The following GLG1 variants were observed in gnomAD, a reference collection of about 807,000 sequenced individuals.
GLG1 encodes the protein Golgi apparatus protein 1.
Under a neutral mutation model 160.5 loss-of-function variants are expected in GLG1, and 38 were observed. The observed-to-expected ratio is 0.24, with a 90% CI of 0.18 to 0.31. GLG1 has a LOEUF of 0.31. Among genes scored for constraint, GLG1 ranks in the 10% least tolerant of loss-of-function variants. The probability of loss-of-function intolerance (pLI) is 1.00; values close to 1 mark genes in which losing one functional copy is unlikely to be tolerated. For missense variants in GLG1, 1,373 were observed against 1,505.2 expected, an observed-to-expected ratio of 0.91 and a Z score of 1.45; for synonymous variants, 644 against 543.4, an observed-to-expected ratio of 1.19 and a Z score of -2.57.
chr16:74,495,581 T>A (rs955235345), intron 5 of GLG1, among the ~76,000 whole-genome samples: 28 of 152,210 alleles, frequency 1.8e-4, no homozygotes, highest in African/African-American at 6.8e-4. Context: ...TTTAAAGACT[T>A]AGAAGGCTGT....
intron 1 of GLG1, among the ~76,000 whole-genome samples, chr16:74,561,892 G>C (rs567489341): frequency 6.6e-6 from 1 of 152,172 alleles, no homozygotes; most frequent in Non-Finnish European, 1.5e-5. Context: ...ATATACATTG[G>C]TGTGGTGACT....
intron 2 of GLG1, among the ~76,000 whole-genome samples, chr16:74,531,296 A>C (rs371240197): frequency 7.6e-4 from 115 of 152,116 alleles, no homozygotes; most frequent in African/African-American, 2.7e-3. Context: ...CTCTTCTAAG[A>C]CCCAGATCAA....
intron 16 of GLG1, chr16:74,469,391 C>T (rs1651601438): frequency 3.6e-6 from 1 of 281,058 alleles, no homozygotes; most frequent in South Asian, 7.9e-5. Flanking sequence ...TAGGACTGTA[C>T]TTTTGACCTA....
chr16:74,472,485 T>C, intron 13 of GLG1, 74 bp from the exon 14 acceptor site: 1 of 1,361,484 alleles, frequency 7.3e-7, no homozygotes, highest in Non-Finnish European at 1.0e-6. Flanking sequence ...TTTCTCTTTC[T>C]GAATCAGTAA....
intron 1 of GLG1, among the ~76,000 whole-genome samples, chr16:74,596,253 G>T (rs1039435620): frequency 6.6e-6 from 1 of 151,772 alleles, no homozygotes; most frequent in Admixed American, 6.6e-5. Flanking sequence ...TGTGGGCTGG[G>T]CGTGGTTGCT....
chr16:74,530,919 T>C (rs1438695271), intron 2 of GLG1, among the ~76,000 whole-genome samples: 1 of 152,240 alleles, frequency 6.6e-6, no homozygotes, highest in Non-Finnish European at 1.5e-5. Flanking sequence ...CTTTTTCTTT[T>C]CCTGTGAACA....
chr16:74,483,461 T>C (rs536901806), intron 9 of GLG1, among the ~76,000 whole-genome samples: 2 of 152,320 alleles, frequency 1.3e-5, no homozygotes, highest in African/African-American at 4.8e-5. Context: ...TGTGGCCAAG[T>C]CTGTTTTAAC....
chr16:74,484,805 G>A lies in GLG1; in HGVS notation c.1571+991C>T, dbSNP rs190878265. On this transcript the variant is annotated intron_variant, in intron 9 of 25. Coordinates refer to ENST00000422840, the MANE Select transcript of GLG1 (RefSeq NM_001145667.2). Reference sequence around the variant, plus strand: ...AATAAATTGTATTTTTAGTAGAGACGGGGTTTCTCCATGTTGGTTAGAGGC... The same window carrying A: ...AATAAATTGTATTTTTAGTAGAGACAGGGTTTCTCCATGTTGGTTAGAGGC... Among the ~76,000 whole-genome samples, 1,454 of 152,130 alleles carry A rather than the reference G, an allele frequency of 9.6e-3. 7 individuals carry two copies. The highest frequency in any genetic ancestry group is 0.016 in the Non-Finnish European group (1,085 of 68,000).
At chr16:74,569,993 G>C (rs974060161) in intron 1 of GLG1, among the ~76,000 whole-genome samples, 3 of 150,230 alleles carry the variant, frequency 2.0e-5, no homozygotes, top group African/African-American at 7.4e-5. Flanking sequence ...GACCAGTTTG[G>C]GCAACACAGC....
intron 1 of GLG1, among the ~76,000 whole-genome samples, chr16:74,546,563 G>A (rs8058256): frequency 0.66 from 100,880 of 151,814 alleles, 33,706 homozygotes; most frequent in East Asian, 0.81. Flanking sequence ...TAGGCCAGGC[G>A]TGGTGGCTCA....
intron 3 of GLG1, among the ~76,000 whole-genome samples, chr16:74,505,201 A>T (rs756932788): frequency 5.9e-5 from 9 of 152,256 alleles, no homozygotes; most frequent in Non-Finnish European, 1.2e-4. Flanking sequence ...CCGAGGAATT[A>T]TCCTATAGGC....
intron 2 of GLG1, among the ~76,000 whole-genome samples, chr16:74,518,328 C>T (rs185246153): frequency 6.6e-6 from 1 of 152,128 alleles, no homozygotes; most frequent in African/African-American, 2.4e-5. Context: ...ACCAAAACAG[C>T]GTGGTACTGG....
At chr16:74,549,764 G>T (rs2018147409) in intron 1 of GLG1, among the ~76,000 whole-genome samples, 1 of 151,734 alleles carries the variant, frequency 6.6e-6, no homozygotes, top group Non-Finnish European at 1.5e-5. Flanking sequence ...CTTGAGAAAA[G>T]TTTGGATGAA....
intron 1 of GLG1, among the ~76,000 whole-genome samples, chr16:74,597,267 G>A (rs1011664237): frequency 6.7e-6 from 1 of 150,278 alleles, no homozygotes; most frequent in Non-Finnish European, 1.5e-5. Flanking sequence ...CCCGTCTCTA[G>A]TAAAAATACA....
At chr16:74,499,951 C>T (rs1000590250) in intron 4 of GLG1, among the ~76,000 whole-genome samples, 2 of 152,018 alleles carry the variant, frequency 1.3e-5, no homozygotes, top group East Asian at 1.9e-4. Context: ...TGCAGTGAGC[C>T]GAGATTGTGC....
At chr16:74,523,257 T>C (rs1196563501) in intron 2 of GLG1, among the ~76,000 whole-genome samples, 3 of 152,236 alleles carry the variant, frequency 2.0e-5, no homozygotes, top group Middle Eastern at 3.2e-3. Context: ...GCATTCAGAA[T>C]GGATTTTCCA....
In GLG1 at chr16:74,493,156, A is replaced by C; in HGVS notation, c.1051-16T>G. The C allele has an allele frequency of 6.3e-7, 1 of 1,588,220 alleles. No individual in the cohort carries two copies. The highest frequency in any genetic ancestry group is 1.1e-5 in the South Asian group (1 of 88,784). ...CTTCTCGACACTGAGGAAAGAGTACAGCAACAGCCGTGAGACCACTCATGT... is the reference window on the plus strand; with the variant it reads ...CTTCTCGACACTGAGGAAAGAGTACCGCAACAGCCGTGAGACCACTCATGT... On this transcript the variant is annotated splice_polypyrimidine_tract_variant and intron_variant, in intron 6 of 25. Coordinates refer to ENST00000422840, the MANE Select transcript of GLG1 (RefSeq NM_001145667.2).
At chr16:74,571,957 C>T (rs542083075) in intron 1 of GLG1, among the ~76,000 whole-genome samples, 2 of 152,224 alleles carry the variant, frequency 1.3e-5, no homozygotes, top group Non-Finnish European at 1.5e-5. Flanking sequence ...TCCTGACGCA[C>T]AGATCTAACT....
At chr16:74,494,622 G>A (rs368169951) in intron 6 of GLG1, 138 bp downstream of exon 6, 7 of 454,294 alleles carry the variant, frequency 1.5e-5, no homozygotes, top group East Asian at 8.7e-5. Flanking sequence ...GGCCAGGCTG[G>A]TCTTGAACTC....
Sources: gnomAD v4.1 joint callset for allele counts (sites outside exome capture counted in the v4.1 genomes callset) on GRCh38, gnomAD v4.1.1 for gene constraint, MANE v1.5 for transcripts, NCBI Gene and HGNC (gene_info 2026-07-23, HGNC 2026-07-21) for gene names.